The following NIPAL2 variants were observed in gnomAD, a reference collection of about 807,000 sequenced individuals.
NIPAL2 encodes the protein NIPA-like protein 2.
Under a neutral mutation model 48.9 loss-of-function variants are expected in NIPAL2, and 43 were observed. That is an observed-to-expected ratio of 0.88 (90% CI 0.69 to 1.13). The LOEUF (loss-of-function observed/expected upper bound fraction) is 1.13. Ranked by LOEUF, NIPAL2 falls within the 50% of genes most tolerant of loss-of-function variation. NIPAL2 has a pLI of 0.00. For synonymous variants in NIPAL2, 167 were observed against 174.6 expected (o/e 0.96, Z 0.34); for missense variants, 446 against 461.4 (o/e 0.97, Z 0.31).
intron 4 of NIPAL2, among the ~76,000 whole-genome samples, chr8:98,226,870 C>G (rs1211596833): frequency 2.0e-5 from 3 of 152,202 alleles, no homozygotes; most frequent in Non-Finnish European, 4.4e-5. Context: ...TTCCCCTAGG[C>G]CCTGGGTGGG....
chr8:98,261,260 G>A (rs1236607832), intron 1 of NIPAL2, among the ~76,000 whole-genome samples: 2 of 148,050 alleles, frequency 1.4e-5, no homozygotes, highest in African/African-American at 2.5e-5. Flanking sequence ...CACCAGCAAC[G>A]GAACAAAGCT....
At chr8:98,249,416 C>T (rs956815010) in intron 3 of NIPAL2, among the ~76,000 whole-genome samples, 4 of 151,804 alleles carry the variant, frequency 2.6e-5, no homozygotes, top group African/African-American at 9.7e-5. Flanking sequence ...GTTGAAATGC[C>T]TATATTGCTA....
At chr8:98,231,139 G>T (rs1235125583) in intron 4 of NIPAL2, among the ~76,000 whole-genome samples, 1 of 152,070 alleles carries the variant, frequency 6.6e-6, no homozygotes, top group Non-Finnish European at 1.5e-5. Flanking sequence ...AAACCATTTG[G>T]AAATACCCTC....
At chr8:98,219,658 C>T (rs562442572) in intron 5 of NIPAL2, among the ~76,000 whole-genome samples, 7 of 152,270 alleles carry the variant, frequency 4.6e-5, no homozygotes, top group South Asian at 4.2e-4. Context: ...TCCTTTTCTA[C>T]GTTCCCATTC....
chr8:98,293,648 A>C (rs1816607689), intron 1 of NIPAL2, among the ~76,000 whole-genome samples: 1 of 152,122 alleles, frequency 6.6e-6, no homozygotes, highest in Non-Finnish European at 1.5e-5. Flanking sequence ...AAAATGAGTG[A>C]ATTGCCCCCA....
At chr8:98,214,305 G>C (rs1488069181) in intron 5 of NIPAL2, among the ~76,000 whole-genome samples, 1 of 151,758 alleles carries the variant, frequency 6.6e-6, no homozygotes, top group Non-Finnish European at 1.5e-5. Context: ...CTGGGATTAT[G>C]GGTGCCCGCC....
intron 6 of NIPAL2, among the ~76,000 whole-genome samples, chr8:98,208,209 A>G (rs1231654971): frequency 6.6e-6 from 1 of 152,224 alleles, no homozygotes; most frequent in East Asian, 1.9e-4. Context: ...TTTCATCATT[A>G]GAACAACACC....
At chr8:98,194,624 A>G (rs1810458614) in intron 10 of NIPAL2, 104 bp downstream of exon 10, 1 of 550,632 alleles carries the variant, frequency 1.8e-6, no homozygotes, top group Non-Finnish European at 3.1e-6. Context: ...TACATTTTTT[A>G]GGATAAGAAT....
At chr8:98,282,531 G>C (rs2130905062) in intron 1 of NIPAL2, among the ~76,000 whole-genome samples, 1 of 152,116 alleles carries the variant, frequency 6.6e-6, no homozygotes, top group Admixed American at 6.5e-5. Context: ...ATACCAGCTG[G>C]GCGTGGTGGC....
intron 2 of NIPAL2, among the ~76,000 whole-genome samples, chr8:98,253,486 C>A (rs2130831662): frequency 6.6e-6 from 1 of 152,198 alleles, no homozygotes; most frequent in East Asian, 1.9e-4. Flanking sequence ...ATTCAGTTTG[C>A]AGTTTAGCAA....
At chr8:98,266,282 T>TA (rs35353680) in intron 1 of NIPAL2, among the ~76,000 whole-genome samples, 122,452 of 142,214 alleles carry the variant, frequency 0.86, 53,643 homozygotes, top group Non-Finnish European at 0.95. Flanking sequence ...TAAAGTATAA[T>TA]AAAAAAAAAA....
At chr8:98,212,357 ACTCAG>A (rs1233700704) in intron 6 of NIPAL2, 43 bp downstream of exon 6, 1 of 1,011,928 alleles carries the variant, frequency 9.9e-7, no homozygotes, top group East Asian at 2.4e-5. Context: ...CTCATTTATG[ACTCAG>A]CACAGCTCAA....
intron 8 of NIPAL2, among the ~76,000 whole-genome samples, chr8:98,202,363 T>G (rs903484988): frequency 6.6e-6 from 1 of 152,176 alleles, no homozygotes; most frequent in Non-Finnish European, 1.5e-5. Flanking sequence ...GTTGCTTTGA[T>G]GATCAGAAGG....
chr8:98,207,385 G>T (rs750138045), intron 6 of NIPAL2, among the ~76,000 whole-genome samples: 2 of 152,078 alleles, frequency 1.3e-5, no homozygotes, highest in Non-Finnish European at 2.9e-5. Flanking sequence ...TTATTTCTAG[G>T]CTGGTGTTGA....
intron 3 of NIPAL2, among the ~76,000 whole-genome samples, chr8:98,242,044 G>T (rs1177944341): frequency 1.3e-5 from 2 of 152,042 alleles, no homozygotes; most frequent in African/African-American, 4.8e-5. Context: ...AAAGGCAAAA[G>T]GTAATGTACC....
intron 4 of NIPAL2, among the ~76,000 whole-genome samples, chr8:98,223,768 T>C (rs1446910015): frequency 6.6e-6 from 1 of 152,248 alleles, no homozygotes; most frequent in Non-Finnish European, 1.5e-5. Context: ...TATTCTGTAA[T>C]ACTTTGTGAA....
At chr8:98,283,752 AATGCCTGCCTTG>A (rs1815995029) in intron 1 of NIPAL2, among the ~76,000 whole-genome samples, 2 of 152,156 alleles carry the variant, frequency 1.3e-5, no homozygotes, top group African/African-American at 4.8e-5. Flanking sequence ...ATTTGGGAGC[AATGCCTGCCTTG>A]AACTCCAACA....
At chr8:98,258,932 A>C (rs534013380) in intron 1 of NIPAL2, among the ~76,000 whole-genome samples, 1 of 152,070 alleles carries the variant, frequency 6.6e-6, no homozygotes, top group Non-Finnish European at 1.5e-5. Flanking sequence ...TTCTTTTAAC[A>C]GTCTGCGTAT....
intron 1 of NIPAL2, among the ~76,000 whole-genome samples, chr8:98,293,583 G>C (rs1816604393): frequency 6.6e-6 from 1 of 152,242 alleles, no homozygotes; most frequent in Non-Finnish European, 1.5e-5. Flanking sequence ...TTCTGCTTCT[G>C]ATAACAGGGT....
Sources: allele counts gnomAD v4.1 joint callset (sites outside exome capture counted in the v4.1 genomes callset), GRCh38; gene constraint gnomAD v4.1.1; transcripts MANE v1.5; gene names NCBI Gene and HGNC (gene_info 2026-07-23, HGNC 2026-07-21).